LMF2: variants seen among roughly 807,000 people sequenced by gnomAD.
The protein encoded by LMF2 is lipase maturation factor 2.
In LMF2, 113 loss-of-function variants were observed where a neutral mutation model predicts 81.5. That is an observed-to-expected ratio of 1.39 (90% CI 1.19 to 1.62). The LOEUF (loss-of-function observed/expected upper bound fraction) is 1.62. Ranked by LOEUF, LMF2 falls within the 40% of genes most tolerant of loss-of-function variation. The pLI is 0.00. For missense variants in LMF2, 1,235 were observed against 929.1 expected, an observed-to-expected ratio of 1.33 and a Z score of -4.28; for synonymous variants, 645 against 424.5, an observed-to-expected ratio of 1.52 and a Z score of -6.39.
chr22:50,506,448 C>A lies in LMF2; in HGVS notation c.432G>T (p.Arg144Ser), dbSNP rs1316010622. 6.4e-7 allele frequency: 1 copy of A among 1,550,508 alleles called. No individual in the cohort carries two copies. Residue 144 changes from arginine (R) to serine (S), a missense_variant, in exon 4 of 14, where the codon AGG becomes AGT. Coordinates refer to ENST00000474879, the MANE Select transcript of LMF2 (RefSeq NM_033200.3). ...GGGCCTCCTTGCGGTGGGAGGCTGG[C>A]CTCAGCGGGGCCACCAGCACGGCCA... ...GFLAVLVAPLRPASHRKEAPQ... is the reference protein window; with the variant it reads ...GFLAVLVAPLSPASHRKEAPQ...
At chr22:50,507,136 C>T (rs2068607545) in intron 1 of LMF2, 101 bp from the exon 2 acceptor site, 39 of 1,465,958 alleles carry the variant, frequency 2.7e-5, no homozygotes, top group Non-Finnish European at 3.3e-5. Context: ...TCAGAGCATG[C>T]GGATACCTCC....
chr22:50,504,775 C>T, intron 10 of LMF2, 27 bp downstream of exon 10: 2 of 1,604,100 alleles, frequency 1.2e-6, no homozygotes, highest in Admixed American at 1.7e-5. Flanking sequence ...TGGGCCCCAC[C>T]ACCCTGCCCG....
In LMF2 at chr22:50,506,070, T is replaced by TG. The variant is rs1569518605; in HGVS notation, c.738dup (p.Ile247HisfsTer48). 6.3e-7 allele frequency: 1 copy of TG among 1,592,074 alleles called. No homozygotes were observed. The highest frequency in any genetic ancestry group is 1.3e-5 in the African/African-American group (1 of 74,762). ...AAAGCAGCCAAGCGCAGGCGTCGAA[T>TG]GGGGGCGAAGAACAGGGGCGGCACA... On this transcript the variant is annotated frameshift_variant, in exon 5 of 14. Coordinates refer to ENST00000474879, the MANE Select transcript of LMF2 (RefSeq NM_033200.3). LOFTEE classifies it high-confidence loss of function.
Position 50,505,794 on chromosome 22 carries a change from T to C in LMF2, c.796A>G (p.Ile266Val), listed in dbSNP as rs777737048. 10 of 1,613,124 alleles carry C rather than the reference T, an allele frequency of 6.2e-6. No individual in the cohort carries two copies. The South Asian group carries it at 7.7e-5, about 12-fold the overall frequency. ...AAGAAGTTGTAGTTGCCGGTGATGA[T>C]AATCAGGACCTGCAGCAGCACCTGG... Reference protein sequence around the residue: ...YSQVLLQVLIIITGNYNFFNL... With the variant: ...YSQVLLQVLIVITGNYNFFNL... Residue 266 changes from isoleucine (I) to valine (V), a missense_variant, in exon 6 of 14, where the codon ATC becomes GTC. Coordinates refer to ENST00000474879, the MANE Select transcript of LMF2 (RefSeq NM_033200.3).
chr22:50,504,505 TC>T, intron 11 of LMF2, 53 bp downstream of exon 11: 3 of 495,164 alleles, frequency 6.1e-6, no homozygotes, highest in South Asian at 2.5e-5. Context: ...GCCCCTCCCC[TC>T]CCCACCCCGC....
In LMF2 at chr22:50,503,743, G is replaced by T. The variant is rs754335204; in HGVS notation, c.1816-44C>A. 6 of 1,591,148 alleles carry T rather than the reference G, an allele frequency of 3.8e-6. No individual in the cohort carries two copies. In the South Asian group the frequency reaches 5.5e-5, roughly 15 times the overall value. On this transcript the variant is annotated intron_variant, in intron 13 of 13. Transcript: ENST00000474879. Reference sequence around the variant, plus strand: ...GAGGGAGGTTGGGGAAGTGCTTACTGGGTTTACCCCGGGAGGCTGGGGTCA... The same window carrying T: ...GAGGGAGGTTGGGGAAGTGCTTACTTGGTTTACCCCGGGAGGCTGGGGTCA...
rs1569517802 is a variant in LMF2, at chr22:50,503,429, A to AG, written c.2085dup (p.Cys696LeufsTer4). On this transcript the variant is annotated frameshift_variant, in exon 14 of 14. Coordinates refer to ENST00000474879, the MANE Select transcript of LMF2 (RefSeq NM_033200.3). LOFTEE classifies it low-confidence loss of function (END_TRUNC). ...CGGGTGGTCCTCGAACTACTGGAGC[A>AG]GGGGTTGGGGGCTGCGGTGGCCTGT... The AG allele has an allele frequency of 6.2e-7, 1 of 1,608,940 alleles. No individual in the cohort carries two copies. Among genetic ancestry groups the AG allele is most frequent in the Admixed American group, 1.7e-5 (1 of 58,706 alleles).
In LMF2 at chr22:50,506,737, G is replaced by A. The variant is rs370599566; in HGVS notation, c.348+45C>T. Reference sequence around the variant, plus strand: ...AGGTAAGGTAGAGGCAGGGGTGGGTGGTGGGGGTTGGAGATAGAGTGAGCT... The same window carrying A: ...AGGTAAGGTAGAGGCAGGGGTGGGTAGTGGGGGTTGGAGATAGAGTGAGCT... On this transcript the variant is annotated intron_variant, in intron 2 of 13. Coordinates refer to ENST00000474879, the MANE Select transcript of LMF2 (RefSeq NM_033200.3). 318 of 1,612,394 alleles carry A rather than the reference G, an allele frequency of 2.0e-4. No individual in the cohort carries two copies. The African/African-American group carries it at 3.5e-3, about 18-fold the overall frequency.
intron 5 of LMF2, 21 bp from the exon 6 acceptor site, chr22:50,505,836 G>C: frequency 6.2e-7 from 1 of 1,611,986 alleles, no homozygotes; most frequent in South Asian, 1.1e-5. Context: ...CCCGCTCTCA[G>C]TGCTCCCGGA....
rs2148644871 is a variant in LMF2 at position 50,504,464 on chromosome 22, G to A, written c.1607-13C>T. On this transcript the variant is annotated splice_polypyrimidine_tract_variant and intron_variant, in intron 11 of 13. Transcript: ENST00000474879. ...ACAAGGCGGATCACTGCAGCGAGAG[G>A]CATCAGCGTGGCCCCCACAGTACCC... The A allele has an allele frequency of 1.2e-6, 2 of 1,607,610 alleles. No individual in the cohort carries two copies. Among genetic ancestry groups the A allele is most frequent in the East Asian group, 2.2e-5 (1 of 44,746 alleles).
At chr22:50,507,228 G>T in intron 1 of LMF2, 193 bp from the exon 2 acceptor site, 1 of 911,474 alleles carries the variant, frequency 1.1e-6, no homozygotes. Flanking sequence ...AGGGCTAGAG[G>T]CCTGCTCAAC....
At chr22:50,505,953 G>A (rs2068551520) in intron 5 of LMF2, 82 bp downstream of exon 5, 5 of 1,558,850 alleles carry the variant, frequency 3.2e-6, no homozygotes, top group East Asian at 2.3e-5. Context: ...CGGGAGCCAC[G>A]CTGTCCCCAA....
Position 50,503,583 on chromosome 22 carries a change from CA to C in LMF2, c.1931del (p.Met644ArgfsTer13). ...GCACAAATCTGACAGCCCCCACGGC[CA>C]TGAGGAGCCCCCAGAGCAGGGCGGG... ...EAPALLWGLLMAVGAVRFVQA... is the reference protein window; with the variant it reads ...EAPALLWGLLXAVGAVRFVQA... On this transcript the variant is annotated frameshift_variant, in exon 14 of 14. Transcript: ENST00000474879. LOFTEE classifies it low-confidence loss of function (END_TRUNC). The C allele has an allele frequency of 6.5e-7, 1 of 1,545,416 alleles. No homozygotes were observed. Among genetic ancestry groups the C allele is most frequent in the Non-Finnish European group, 8.7e-7 (1 of 1,148,446 alleles).
rs751414778 is a variant in LMF2 at position 50,506,124 on chromosome 22, C to G, written c.685G>C (p.Val229Leu). The change falls in exon 5 of 14, where the codon GTG becomes CTG. Residue 229 changes from valine (V) to leucine (L), a missense_variant. Coordinates refer to ENST00000474879, the MANE Select transcript of LMF2 (RefSeq NM_033200.3). The stretch of plus-strand genomic sequence containing the variant: ...ATCTCAATTAGGAAGGTGGCCACCA[C>G]GCTGAGCTTGTGCAGCCAGACCGGC... ...HLPVWLHKLS[V>L]VATFLIEIAV... 1 of 1,581,226 alleles carries G rather than the reference C, an allele frequency of 6.3e-7. No homozygotes were observed. Among genetic ancestry groups the G allele is most frequent in the Non-Finnish European group, 8.6e-7 (1 of 1,163,888 alleles).
At chr22:50,506,726 C>A (rs1429013841) in intron 2 of LMF2, 56 bp downstream of exon 2, 36 of 1,612,570 alleles carry the variant, frequency 2.2e-5, no homozygotes, top group Non-Finnish European at 3.1e-5. Context: ...AAGGTAGAGG[C>A]AGGGGTGGGT....
At chr22:50,504,500 T>TCCCCCCCCCCCCCCCCC in intron 11 of LMF2, 49 bp from the exon 12 acceptor site, 1 of 501,444 alleles carries the variant, frequency 2.0e-6, no homozygotes, top group South Asian at 2.7e-5. Flanking sequence ...GCCCTGCCCC[T>TCCCCCCCCCCCCCCCCC]CCCCTCCCCA....
Position 50,504,563 on chromosome 22 carries a change from C to A in LMF2, c.1602G>T (p.Glu534Asp), listed in dbSNP as rs2068503839. 7.1e-6 allele frequency: 11 copies of A among 1,546,762 alleles called. No homozygotes were observed. In the African/African-American group the frequency reaches 1.5e-4, roughly 21 times the overall value. ...CCCCCCAAGCCCGCTCCGCACCTGGCTCCTTGCCCTGCAGCAGGCGCAAGA... is the reference window on the plus strand; with the variant it reads ...CCCCCCAAGCCCGCTCCGCACCTGGATCCTTGCCCTGCAGCAGGCGCAAGA... ...SLVLRLLQGK[E>D]PVIRLVQSQV... is the part of the protein sequence containing the mutation. The change falls in exon 11 of 14, where the codon GAG becomes GAT. Residue 534 changes from glutamate to aspartate, a missense_variant. By Grantham distance (45) the Glu-to-Asp change is conservative (BLOSUM62 2). Transcript: ENST00000474879.
Position 50,504,375 on chromosome 22 carries a change from G to C in LMF2, c.1683C>G (p.Arg561=), listed in dbSNP as rs775288847. The part of the protein sequence containing the change: ...KQPPTYVRAQ[R]YKYWFSQPGE... ...CAGGCTGGGAGAACCAGTACTTGTA[G>C]CGCTGGGCTCGGACGTAGGTGGGCG... The change falls in exon 12 of 14, where the codon CGC becomes CGG. Residue 561 remains arginine (R), a synonymous_variant. Coordinates refer to ENST00000474879, the MANE Select transcript of LMF2 (RefSeq NM_033200.3). 4.3e-6 allele frequency: 7 copies of C among 1,612,198 alleles called. No individual in the cohort carries two copies. Among genetic ancestry groups the C allele is most frequent in the Non-Finnish European group, 5.9e-6 (7 of 1,179,612 alleles).
Position 50,504,398 on chromosome 22 carries a change from G to C in LMF2, c.1660C>G (p.Pro554Ala). Reference sequence around the variant, plus strand: ...TAGCGCTGGGCTCGGACGTAGGTGGGCGGCTGCTTGTGGAAGGGATACCTG... The same window carrying C: ...TAGCGCTGGGCTCGGACGTAGGTGGCCGGCTGCTTGTGGAAGGGATACCTG... ...VARYPFHKQPPTYVRAQRYKY... is the reference protein window; with the variant it reads ...VARYPFHKQPATYVRAQRYKY... Residue 554 changes from proline (P) to alanine (A), a missense_variant, in exon 12 of 14, where the codon CCC (proline) becomes GCC (alanine). Transcript: ENST00000474879. The C allele has an allele frequency of 6.2e-7, 1 of 1,612,434 alleles. No individual in the cohort carries two copies. The highest frequency in any genetic ancestry group is 1.1e-5 in the South Asian group (1 of 91,074).
Sources: allele counts gnomAD v4.1 joint callset, GRCh38; gene constraint gnomAD v4.1.1; transcripts MANE v1.5; gene names NCBI Gene and HGNC (gene_info 2026-07-23, HGNC 2026-07-21).